The following PLEKHG5 variants were observed in gnomAD, a reference collection of about 807,000 sequenced individuals.
The protein encoded by PLEKHG5 is pleckstrin homology domain-containing family G member 5.
In PLEKHG5, 52 loss-of-function variants were observed where a neutral mutation model predicts 103.8. That is an observed-to-expected ratio of 0.50 (90% CI 0.40 to 0.63). The LOEUF (loss-of-function observed/expected upper bound fraction) is 0.63, where lower values mean the gene tolerates loss of function less well. Among genes scored for constraint, PLEKHG5 ranks in the 30% least tolerant of loss-of-function variants. The pLI is 0.00. For synonymous variants in PLEKHG5, 592 were observed against 575.5 expected (o/e 1.03, Z -0.41); for missense variants, 1,205 against 1,347.6 (o/e 0.89, Z 1.66).
intron 6 of PLEKHG5, 104 bp from the exon 7 acceptor site, chr1:6,474,268 T>C (rs979076954): frequency 7.0e-7 from 1 of 1,427,776 alleles, no homozygotes; most frequent in Non-Finnish European, 9.6e-7. Flanking sequence ...CTGCCTGCCC[T>C]CCCCCGACAG....
intron 1 of PLEKHG5, among the ~76,000 whole-genome samples, chr1:6,488,280 C>T (rs879309726): frequency 2.0e-5 from 3 of 152,252 alleles, no homozygotes; most frequent in Non-Finnish European, 4.4e-5. Context: ...GATAGAGAAA[C>T]TAAGGCCTGT....
upstream of PLEKHG5, chr1:6,497,050 C>G (rs751699707): frequency 1.1e-4 from 159 of 1,498,968 alleles, no homozygotes; most frequent in Non-Finnish European, 1.4e-4. The surrounding 1 kb of genome is among the most constrained non-coding windows in gnomAD (Gnocchi z 6.1). Context: ...CTGAATTTGG[C>G]CCCCTCCAAG....
At chr1:6,519,298 G>A in intron 1 of PLEKHG5, 1 of 723,876 alleles carries the variant, frequency 1.4e-6, no homozygotes, top group South Asian at 1.5e-5. Context: ...AGACCAAATG[G>A]ATCCAGCCTG....
chr1:6,482,853 C>T (rs1644937640), intron 1 of PLEKHG5, among the ~76,000 whole-genome samples: 1 of 152,140 alleles, frequency 6.6e-6, no homozygotes, highest in Admixed American at 6.5e-5. Context: ...GGACTACAAG[C>T]ACACGCCACC....
chr1:6,491,299 C>T lies in PLEKHG5; in HGVS notation c.-88+338G>A, dbSNP rs1285245911. On this transcript the variant is annotated intron_variant, in intron 1 of 20. Transcript: ENST00000377728. This position sits in a 1 kb window ranked among gnomAD's most constrained non-coding sequence, Gnocchi z 4.1. ...CCGCACTTTCAAGCTTTTTATACAG[C>T]CTTCCCCCGACCCCTTCCCAGGCCA... Among the ~76,000 whole-genome samples the T allele has an allele frequency of 6.6e-6, 1 of 152,116 alleles. No homozygotes were observed. The highest frequency in any genetic ancestry group is 1.5e-5 in the Non-Finnish European group (1 of 68,006).
chr1:6,473,735 G>C (rs1373320841), intron 7 of PLEKHG5, among the ~76,000 whole-genome samples: 1 of 152,122 alleles, frequency 6.6e-6, no homozygotes, highest in Non-Finnish European at 1.5e-5. Context: ...GTGGTCTGTA[G>C]CCCCAGGTAC....
chr1:6,494,615 C>A (rs1411477385), upstream of PLEKHG5, among the ~76,000 whole-genome samples: 1 of 152,156 alleles, frequency 6.6e-6, no homozygotes, highest in Non-Finnish European at 1.5e-5. Context: ...GTTTCTCTTA[C>A]CAAATCTGAG....
At chr1:6,518,199 T>TG (rs1373207537) in intron 1 of PLEKHG5, among the ~76,000 whole-genome samples, 2 of 151,694 alleles carry the variant, frequency 1.3e-5, no homozygotes, top group Admixed American at 1.3e-4. Context: ...CCCAAAGTGC[T>TG]GGGATTACAG....
rs1161214345 is a variant in PLEKHG5, at chr1:6,473,032, C to T, written c.938G>A (p.Cys313Tyr). 1 of 1,614,084 alleles carries T rather than the reference C, an allele frequency of 6.2e-7. No homozygotes were observed. Residue 313 changes from cysteine to tyrosine, a missense_variant, in exon 9 of 21, where the codon TGC becomes TAC. Physicochemically the swap from Cys to Tyr is radical, Grantham distance 194. Coordinates refer to ENST00000377728, the MANE Select transcript of PLEKHG5 (RefSeq NM_020631.6). The stretch of plus-strand genomic sequence containing the variant: ...CCGCCAGCTGTCCTCCAGCCTCAGG[C>T]AGGCATTGTCCTCATCCTCGTCTTC... ...YDEDEDEDNA[C>Y]LRLEDSWREL...
In PLEKHG5 at chr1:6,478,565, T is replaced by C. The variant is rs555012015; in HGVS notation, c.-87-907A>G. On this transcript the variant is annotated intron_variant, in intron 1 of 20. Coordinates refer to ENST00000377728, the MANE Select transcript of PLEKHG5 (RefSeq NM_020631.6). ...GCTAAACTCTGTAAACAGGTATCAG[T>C]ATTCACGACTTCCTAGTTCTCTCCT... is the stretch of plus-strand genomic sequence containing the variant. Among the ~76,000 whole-genome samples the C allele has an allele frequency of 1.0e-3, 156 of 152,376 alleles. 1 individual carries two copies. The highest frequency in any genetic ancestry group is 2.0e-3 in the Non-Finnish European group (139 of 68,040).
chr1:6,497,141 G>A (rs544950443), upstream of PLEKHG5: 172 of 1,085,204 alleles, frequency 1.6e-4, 3 homozygotes, highest in South Asian at 2.3e-3. This position sits in a 1 kb window ranked among gnomAD's most constrained non-coding sequence, Gnocchi z 6.1. Context: ...GGAGGGAGGA[G>A]AAGCGGGGTG....
chr1:6,497,387 T>G (rs1301812475), upstream of PLEKHG5: 1 of 1,064,066 alleles, frequency 9.4e-7, no homozygotes, highest in African/African-American at 1.7e-5. This position sits in a 1 kb window ranked among gnomAD's most constrained non-coding sequence, Gnocchi z 6.1. Flanking sequence ...CGCCGGGGAC[T>G]GGGAGGCCGC....
Position 6,469,636 on chromosome 1 carries a change from A to C in PLEKHG5, c.1841T>G (p.Val614Gly). The change falls in exon 17 of 21, where the codon GTG becomes GGG. Residue 614 changes from valine (V) to glycine (G), a missense_variant. Val to Gly is a moderately radical substitution (Grantham distance 109). Transcript: ENST00000377728. The stretch of plus-strand genomic sequence containing the variant: ...CTCTGCCTTCTTCACTGCTTTGGTC[A>C]CCAACAGCAGATCCGTGAAGAGGAA... ...YCFLFTDLLL[V>G]TKAVKKAERT... 6.2e-7 allele frequency: 1 copy of C among 1,613,648 alleles called. No individual in the cohort carries two copies. Among genetic ancestry groups the C allele is most frequent in the Non-Finnish European group, 8.5e-7 (1 of 1,180,006 alleles).
intron 1 of PLEKHG5, chr1:6,485,541 G>C (rs1274387686): frequency 8.6e-7 from 1 of 1,157,280 alleles, no homozygotes; most frequent in Non-Finnish European, 1.1e-6. Context: ...CGCCGAGCGC[G>C]GGGACCCCGG....
intron 1 of PLEKHG5, among the ~76,000 whole-genome samples, chr1:6,488,483 G>A (rs1645081126): frequency 6.6e-6 from 1 of 152,242 alleles, no homozygotes; most frequent in African/African-American, 2.4e-5. Context: ...GGGTAACCAG[G>A]TTGCATCAAG....
At chr1:6,485,357 C>A in intron 1 of PLEKHG5, 1 of 1,425,476 alleles carries the variant, frequency 7.0e-7, no homozygotes, top group Non-Finnish European at 9.1e-7. Flanking sequence ...GACCCCCGGC[C>A]CAGGAGGGCT....
At chr1:6,471,892 C>T (rs1055731792) in intron 10 of PLEKHG5, 84 bp from the exon 11 acceptor site, 7 of 1,347,880 alleles carry the variant, frequency 5.2e-6, no homozygotes, top group African/African-American at 4.3e-5. Context: ...TCCCCTGCCA[C>T]TCCTTCCCCT....
chr1:6,507,713 AG>A (rs1253306537), intron 1 of PLEKHG5, among the ~76,000 whole-genome samples: 2 of 152,228 alleles, frequency 1.3e-5, no homozygotes, highest in Non-Finnish European at 2.9e-5. Context: ...CTGAGGGCTA[AG>A]GTGCCAAGAG....
upstream of PLEKHG5, among the ~76,000 whole-genome samples, chr1:6,495,498 C>T (rs1645211826): frequency 6.6e-6 from 1 of 152,186 alleles, no homozygotes; most frequent in South Asian, 2.1e-4. Flanking sequence ...ACAACACGGG[C>T]CCTGGTATGA....
Sources: allele counts gnomAD v4.1 joint callset (sites outside exome capture counted in the v4.1 genomes callset), GRCh38; gene constraint gnomAD v4.1.1; non-coding constraint Gnocchi (gnomAD v3.1); transcripts MANE v1.5; gene names NCBI Gene and HGNC (gene_info 2026-07-23, HGNC 2026-07-21).